The following GDPD1 variants were observed in gnomAD, a reference collection of about 807,000 sequenced individuals.
GDPD1 encodes the protein glycerophosphodiester phosphodiesterase domain containing 1.
Under a neutral mutation model 45.1 loss-of-function variants are expected in GDPD1, and 28 were observed. The observed-to-expected ratio is 0.62, with a 90% CI of 0.46 to 0.85. The LOEUF is 0.85. Ranked by LOEUF, GDPD1 falls within the 40% of genes least tolerant of loss-of-function variation. The pLI, the probability that GDPD1 is intolerant of heterozygous loss-of-function variation, is 0.00. For missense variants in GDPD1, 256 were observed against 364.8 expected (o/e 0.70, Z 2.43); for synonymous variants, 139 against 131.4 (o/e 1.06, Z -0.40).
At chr17:59,234,200 A>C (rs369651700) in intron 1 of GDPD1, among the ~76,000 whole-genome samples, 1 of 151,966 alleles carries the variant, frequency 6.6e-6, no homozygotes, top group Non-Finnish European at 1.5e-5. Context: ...ACAAAAAAAA[A>C]ATTAGCCGGG....
chr17:59,246,277 A>G (rs1453005106), intron 3 of GDPD1, among the ~76,000 whole-genome samples: 1 of 151,998 alleles, frequency 6.6e-6, no homozygotes, highest in Non-Finnish European at 1.5e-5. Flanking sequence ...TTAGATTTGT[A>G]TTCTCACTGT....
At position 59,263,923 on chromosome 17, in the gene GDPD1, C is replaced by T. The variant is rs570705313; in HGVS notation, c.577-3118C>T. On this transcript the variant is annotated intron_variant, in intron 6 of 9. Transcript: ENST00000284116. ...ATGTGGCGCTTAATGACTTTTCATT[C>T]ATTCACACTTAACGCAGTGGTTCTT... Among the ~76,000 whole-genome samples the T allele has an allele frequency of 2.7e-3, 410 of 152,306 alleles. 1 individual carries two copies. The highest frequency in any genetic ancestry group is 0.014 in the Middle Eastern group (4 of 294).
chr17:59,261,716 C>A (rs2047357097), intron 6 of GDPD1, among the ~76,000 whole-genome samples: 1 of 151,340 alleles, frequency 6.6e-6, no homozygotes, highest in Non-Finnish European at 1.5e-5. Flanking sequence ...CCAGGTTGAT[C>A]CTGAATTCCT....
At chr17:59,240,762 T>C (rs1218263051) in intron 2 of GDPD1, among the ~76,000 whole-genome samples, 2 of 152,112 alleles carry the variant, frequency 1.3e-5, no homozygotes, top group African/African-American at 4.8e-5. Flanking sequence ...TGAGCCACCG[T>C]GCCAGGTCTA....
At chr17:59,243,502 A>AC (rs2047189606) in intron 2 of GDPD1, among the ~76,000 whole-genome samples, 2 of 141,908 alleles carry the variant, frequency 1.4e-5, no homozygotes, top group African/African-American at 2.6e-5. Context: ...GAAACTCAGT[A>AC]CCCCCCAACC....
At chr17:59,267,248 A>G (rs560654689) in intron 7 of GDPD1, 74 bp downstream of exon 7, 3 of 1,293,516 alleles carry the variant, frequency 2.3e-6, no homozygotes, top group South Asian at 2.6e-5. Context: ...CACTAATATC[A>G]ATATCAATGA....
At chr17:59,272,287 AT>A (rs1051533811) in intron 8 of GDPD1, among the ~76,000 whole-genome samples, 3 of 152,144 alleles carry the variant, frequency 2.0e-5, no homozygotes, top group Non-Finnish European at 2.9e-5. Context: ...ACAAAAAAAT[AT>A]TTTTTCCCTA....
At chr17:59,242,726 A>G (rs1471762659) in intron 2 of GDPD1, among the ~76,000 whole-genome samples, 1 of 152,198 alleles carries the variant, frequency 6.6e-6, no homozygotes, top group Non-Finnish European at 1.5e-5. Flanking sequence ...GCAGGAATTT[A>G]TTAAAAGAAA....
At chr17:59,257,091 A>T (rs1247030851) in intron 4 of GDPD1, 31 bp from the exon 5 acceptor site, 1 of 1,145,090 alleles carries the variant, frequency 8.7e-7, no homozygotes, top group Non-Finnish European at 1.3e-6. Flanking sequence ...CTTATATTTA[A>T]AAAATACATT....
At chr17:59,237,426 A>T (rs2047141445) in intron 2 of GDPD1, among the ~76,000 whole-genome samples, 1 of 152,166 alleles carries the variant, frequency 6.6e-6, no homozygotes, top group Non-Finnish European at 1.5e-5. Flanking sequence ...ATAAAAATAA[A>T]TAAACATACT....
At chr17:59,228,072 T>C (rs2047060766) in intron 1 of GDPD1, among the ~76,000 whole-genome samples, 1 of 148,780 alleles carries the variant, frequency 6.7e-6, no homozygotes, top group African/African-American at 2.5e-5. Flanking sequence ...CTCAGGAGGC[T>C]GAGGCAGGAG....
chr17:59,239,189 A>G (rs1259275967), intron 2 of GDPD1, among the ~76,000 whole-genome samples: 1 of 152,232 alleles, frequency 6.6e-6, no homozygotes, highest in Non-Finnish European at 1.5e-5. Context: ...TATCTAATTA[A>G]TATGACTATC....
At chr17:59,220,788 G>A (rs1469572478) in intron 1 of GDPD1, 37 bp downstream of exon 1, 1 of 1,601,908 alleles carries the variant, frequency 6.2e-7, no homozygotes, top group Admixed American at 1.7e-5. Context: ...ACGGAGGTGG[G>A]GGAGGCTGAG....
rs576910735 is a variant in GDPD1 at position 59,269,370 on chromosome 17, A to G, written c.711-1566A>G. 2.0e-5 allele frequency among the ~76,000 whole-genome samples: 3 copies of G among 152,216 alleles called. No homozygotes were observed. The South Asian group carries it at 6.2e-4, about 32-fold the overall frequency. Reference sequence around the variant, plus strand: ...TATTTCATGCCTGTTTTCCAATTTCAGTATCTTAGTGATAAACATGTTTAT... The same window carrying G: ...TATTTCATGCCTGTTTTCCAATTTCGGTATCTTAGTGATAAACATGTTTAT... On this transcript the variant is annotated intron_variant, in intron 7 of 9. Transcript: ENST00000284116.
intron 4 of GDPD1, among the ~76,000 whole-genome samples, chr17:59,254,056 AC>A: frequency 7.9e-6 from 1 of 126,776 alleles, no homozygotes; most frequent in African/African-American, 3.6e-5. Context: ...CTTCATCTCT[AC>A]TTAAAAAAAA....
intron 8 of GDPD1, among the ~76,000 whole-genome samples, chr17:59,272,317 T>C (rs1447128204): frequency 6.6e-6 from 1 of 152,220 alleles, no homozygotes; most frequent in East Asian, 1.9e-4. Flanking sequence ...ATAGTGTAAT[T>C]AATGGACATA....
At chr17:59,260,817 A>T (rs1265147739) in intron 6 of GDPD1, 3 of 152,076 alleles carry the variant, frequency 2.0e-5, no homozygotes, top group Non-Finnish European at 4.4e-5. Flanking sequence ...TTATTTCTCC[A>T]CTCCCACTGC....
chr17:59,234,440 T>G (rs1472353674), intron 1 of GDPD1, 52 bp from the exon 2 acceptor site: 1 of 1,134,058 alleles, frequency 8.8e-7, no homozygotes, highest in Admixed American at 2.0e-5. Flanking sequence ...AAAATTAACT[T>G]CAGGAAAATT....
chr17:59,255,909 G>A (rs1395057726), intron 4 of GDPD1, among the ~76,000 whole-genome samples: 2 of 143,704 alleles, frequency 1.4e-5, no homozygotes, highest in Admixed American at 7.2e-5. Flanking sequence ...ATATATGGGC[G>A]TGGTGGTGCA....
Sources: allele counts gnomAD v4.1 joint callset (sites outside exome capture counted in the v4.1 genomes callset), GRCh38; gene constraint gnomAD v4.1.1; transcripts MANE v1.5; gene names NCBI Gene and HGNC (gene_info 2026-07-23, HGNC 2026-07-21).